The following KMT2C variants were observed in gnomAD, a reference collection of about 807,000 sequenced individuals.
The protein encoded by KMT2C is lysine methyltransferase 2C, also known as histone-lysine N-methyltransferase 2C.
KMT2C carries 88 observed loss-of-function variants against 507.9 expected under a neutral mutation model. That is an observed-to-expected ratio of 0.17 (90% CI 0.15 to 0.21). The LOEUF is 0.21. Ranked by LOEUF, KMT2C falls within the 10% of genes least tolerant of loss-of-function variation. KMT2C has a pLI of 1.00. For missense variants in KMT2C, 4,954 were observed against 5,957.8 expected (o/e 0.83, Z 5.55); for synonymous variants, 2,049 against 2,080.8 (o/e 0.98, Z 0.42).
intron 1 of KMT2C, among the ~76,000 whole-genome samples, chr7:152,419,102 A>G (rs2116722554): frequency 6.6e-6 from 1 of 152,270 alleles, no homozygotes; most frequent in Non-Finnish European, 1.5e-5. Context: ...CTGTAATCCC[A>G]GCATTTTGGG....
chr7:152,221,770 G>A (rs932042833), intron 22 of KMT2C, among the ~76,000 whole-genome samples: 21 of 152,132 alleles, frequency 1.4e-4, no homozygotes, highest in African/African-American at 4.8e-4. Flanking sequence ...TGGCATTAAT[G>A]GTTATTCTAA....
At position 152,148,627 on chromosome 7, in the gene KMT2C, G is replaced by A; in HGVS notation, c.13300C>T (p.Leu4434=). Reference sequence around the variant, plus strand: ...GTCTCATAGACCTCCGTGGACCACAGAGCGCAGTTCAAGTGGACCCACAGA... The same window carrying A: ...GTCTCATAGACCTCCGTGGACCACAAAGCGCAGTTCAAGTGGACCCACAGA... ...LDLWVHLNCA[L]WSTEVYETQA... The change falls in exon 52 of 59, where the codon CTG becomes TTG. Residue 4434 remains leucine, a synonymous_variant. Transcript: ENST00000262189. The surrounding 1 kb of genome is among the most constrained non-coding windows in gnomAD (Gnocchi z 7.1). 1 of 1,614,210 alleles carries A rather than the reference G, an allele frequency of 6.2e-7. No homozygotes were observed. The highest frequency in any genetic ancestry group is 8.5e-7 in the Non-Finnish European group (1 of 1,180,044).
chr7:152,429,519 A>G (rs1389220065), intron 1 of KMT2C, among the ~76,000 whole-genome samples: 2 of 151,178 alleles, frequency 1.3e-5, no homozygotes, highest in Non-Finnish European at 3.0e-5. Flanking sequence ...TTGGTCTATT[A>G]CTTTTTTTTT....
intron 1 of KMT2C, among the ~76,000 whole-genome samples, chr7:152,370,819 C>T (rs548724662): frequency 5.3e-5 from 8 of 152,168 alleles, no homozygotes; most frequent in African/African-American, 1.4e-4. Flanking sequence ...ATAATTTTAT[C>T]GGAACATAGC....
chr7:152,218,388 G>A (rs1039742661), intron 23 of KMT2C, among the ~76,000 whole-genome samples: 20 of 151,720 alleles, frequency 1.3e-4, no homozygotes, highest in African/African-American at 4.4e-4. Flanking sequence ...GGTCTTGATC[G>A]CCTGACCTCA....
In KMT2C at chr7:152,180,928, T is replaced by C. The variant is rs1563280438; in HGVS notation, c.6932A>G (p.Asp2311Gly). The C allele has an allele frequency of 1.2e-6, 2 of 1,613,824 alleles. No homozygotes were observed. The highest frequency in any genetic ancestry group is 1.7e-6 in the Non-Finnish European group (2 of 1,179,958). The change falls in exon 36 of 59, where the codon GAC (aspartate) becomes GGC (glycine). Residue 2311 changes from aspartate to glycine, a missense_variant. This residue lies in a region of KMT2C where 1,689 missense variants were observed against 1,654.3 expected (regional missense o/e 1.02). Transcript: ENST00000262189. ...QSPMTPRSQS[D>G]SFGTSQTAHD... Reference sequence around the variant, plus strand: ...GGCAGTTTGACTTGTTCCAAAAGAGTCAGACTGAGATCTTGGAGTCATTGG... The same window carrying C: ...GGCAGTTTGACTTGTTCCAAAAGAGCCAGACTGAGATCTTGGAGTCATTGG...
chr7:152,275,452 G>A (rs1348083604), intron 6 of KMT2C, among the ~76,000 whole-genome samples: 1 of 152,172 alleles, frequency 6.6e-6, no homozygotes, highest in Non-Finnish European at 1.5e-5. Context: ...GCTGAAGCAG[G>A]AGAAGCTTCT....
intron 9 of KMT2C, 88 bp from the exon 10 acceptor site, chr7:152,252,803 C>A: frequency 1.1e-6 from 1 of 949,392 alleles, no homozygotes; most frequent in Non-Finnish European, 1.6e-6. Context: ...AGTCATGAAT[C>A]ATTTGTGGAT....
At position 152,429,915 on chromosome 7, in the gene KMT2C, G is replaced by A. The variant is rs1435175843; in HGVS notation, c.161+5711C>T. On this transcript the variant is annotated intron_variant, in intron 1 of 58. Transcript: ENST00000262189. ...ATCTCAGCCGGGCGTGGTGGCTCAC[G>A]TCTGTAATCCCAGCACTTTGGGAGT... is the stretch of plus-strand genomic sequence containing the variant. 4.6e-5 allele frequency among the ~76,000 whole-genome samples: 7 copies of A among 151,812 alleles called. 1 individual carries two copies. Among genetic ancestry groups the A allele is most frequent in the South Asian group, 4.2e-4 (2 of 4,806 alleles).
At chr7:152,317,085 A>G (rs370910050) in intron 3 of KMT2C, among the ~76,000 whole-genome samples, 5 of 152,204 alleles carry the variant, frequency 3.3e-5, no homozygotes, top group African/African-American at 1.2e-4. Flanking sequence ...AAATGGAGCA[A>G]TATTTTAAAG....
chr7:152,372,568 T>C lies in KMT2C; in HGVS notation c.162-13893A>G, dbSNP rs142761717. Among the ~76,000 whole-genome samples the C allele has an allele frequency of 3.9e-5, 6 of 152,198 alleles. No individual in the cohort carries two copies. In the East Asian group the frequency reaches 7.7e-4, roughly 20 times the overall value. On this transcript the variant is annotated intron_variant, in intron 1 of 58. Coordinates refer to ENST00000262189, the MANE Select transcript of KMT2C (RefSeq NM_170606.3). ...GATGGAAAAAGATATTCCACACACATGTTAACCAAAGAGAGCAGAGGATCC... is the reference window on the plus strand; with the variant it reads ...GATGGAAAAAGATATTCCACACACACGTTAACCAAAGAGAGCAGAGGATCC...
intron 6 of KMT2C, among the ~76,000 whole-genome samples, chr7:152,295,879 A>C (rs2129188921): frequency 6.6e-6 from 1 of 151,788 alleles, no homozygotes; most frequent in East Asian, 2.0e-4. Context: ...ATCCTAGCTA[A>C]CACGGTGAAA....
In KMT2C at chr7:152,294,246, G is replaced by A. The variant is rs28571742; in HGVS notation, c.849+15720C>T. Among the ~76,000 whole-genome samples the A allele has an allele frequency of 9.5e-3, 1,449 of 152,172 alleles. 25 individuals carry two copies. The highest frequency in any genetic ancestry group is 0.034 in the African/African-American group (1,391 of 41,506). On this transcript the variant is annotated intron_variant, in intron 6 of 58. Transcript: ENST00000262189. ...ATATCTAGGATTATCTTGCTGTACCGACACCTTGCACTTAACATTGTGATG... is the reference window on the plus strand; with the variant it reads ...ATATCTAGGATTATCTTGCTGTACCAACACCTTGCACTTAACATTGTGATG...
intron 1 of KMT2C, among the ~76,000 whole-genome samples, chr7:152,391,142 C>CAAA (rs1195125465): frequency 0.25 from 8,725 of 34,738 alleles, 2,589 homozygotes; most frequent in Middle Eastern, 0.32. Context: ...AGACTGTCTC[C>CAAA]AAAAAAAAAA....
chr7:152,300,950 C>T (rs1416105618), intron 6 of KMT2C, among the ~76,000 whole-genome samples: 7 of 151,860 alleles, frequency 4.6e-5, no homozygotes, highest in Non-Finnish European at 8.8e-5. Flanking sequence ...CCCAGCTACT[C>T]GGGAGGCTGA....
At chr7:152,146,339 C>A (rs1353370939) in intron 53 of KMT2C, among the ~76,000 whole-genome samples, 1 of 152,204 alleles carries the variant, frequency 6.6e-6, no homozygotes. Flanking sequence ...GAAGATGTGA[C>A]AAGCCTGGTG....
intron 1 of KMT2C, among the ~76,000 whole-genome samples, chr7:152,366,612 T>C (rs1226116847): frequency 6.6e-6 from 1 of 152,238 alleles, no homozygotes; most frequent in Admixed American, 6.5e-5. Flanking sequence ...CTGGGAGTTA[T>C]TGTTTAATGG....
intron 58 of KMT2C, 177 bp from the exon 59 acceptor site, chr7:152,137,101 GCA>G: frequency 1.7e-6 from 1 of 571,548 alleles, no homozygotes; most frequent in South Asian, 2.1e-5. Context: ...CATTGTGCTT[GCA>G]CAGAGGAAAT....
intron 4 of KMT2C, 147 bp downstream of exon 4, chr7:152,314,991 T>G: frequency 1.6e-6 from 1 of 642,882 alleles, no homozygotes; most frequent in Non-Finnish European, 2.6e-6. Context: ...ATTGGGTTAA[T>G]GGTGAGTCAG....
Sources: gnomAD v4.1 joint callset for allele counts (sites outside exome capture counted in the v4.1 genomes callset) on GRCh38, gnomAD v4.1.1 for gene constraint, gnomAD v4.1.1 regional missense constraint, Gnocchi (gnomAD v3.1) non-coding constraint, MANE v1.5 for transcripts, NCBI Gene and HGNC (gene_info 2026-07-23, HGNC 2026-07-21) for gene names.